Variants in NREP observed in about 807,000 individuals in gnomAD.
NREP encodes the protein neuronal regeneration related protein.
NREP carries 5 observed loss-of-function variants against 8.6 expected under a neutral mutation model. The ratio of observed to expected loss-of-function variants is 0.58; its 90% confidence interval spans 0.30 to 1.22. The LOEUF is 1.22. NREP is among the 50% of genes most tolerant of loss of function. NREP has a pLI of 0.07. For missense variants in NREP, 86 were observed against 82.5 expected (o/e 1.04, Z -0.17); for synonymous variants, 27 against 28.0 (o/e 0.96, Z 0.11).
At chr5:111,938,666 T>A (rs1561357112) in intron 2 of NREP, among the ~76,000 whole-genome samples, 1 of 152,018 alleles carries the variant, frequency 6.6e-6, no homozygotes, top group Non-Finnish European at 1.5e-5. Context: ...GATAATATCA[T>A]TTCCAACCTC....
At chr5:111,738,446 C>G (rs1289732659) in intron 2 of NREP, 4 of 152,140 alleles carry the variant, frequency 2.6e-5, no homozygotes, top group African/African-American at 9.7e-5. Context: ...TTTTCTTTGC[C>G]TCTTCTTCTC....
At chr5:111,932,848 T>C (rs1755579355) in intron 2 of NREP, among the ~76,000 whole-genome samples, 1 of 152,028 alleles carries the variant, frequency 6.6e-6, no homozygotes, top group Non-Finnish European at 1.5e-5. Flanking sequence ...GATTCTATCA[T>C]GTTAAGCCCG....
At chr5:111,825,957 ATTT>A (rs370482212) in intron 2 of NREP, among the ~76,000 whole-genome samples, 5 of 140,296 alleles carry the variant, frequency 3.6e-5, no homozygotes, top group South Asian at 2.3e-4. Context: ...GCTCGTTTGG[ATTT>A]TTTTTTTTTT....
chr5:111,804,949 C>T (rs186515476), intron 2 of NREP, among the ~76,000 whole-genome samples: 2,472 of 152,144 alleles, frequency 0.016, 39 homozygotes, highest in Non-Finnish European at 0.022. Context: ...TGCAGTGAGC[C>T]GAGATGGCGC....
intron 2 of NREP, among the ~76,000 whole-genome samples, chr5:111,872,673 C>A (rs922182209): frequency 6.6e-6 from 1 of 152,074 alleles, no homozygotes; most frequent in African/African-American, 2.4e-5. Flanking sequence ...CCTTAAAGGA[C>A]AAAATACTGA....
At chr5:111,776,395 T>C (rs1048942602) in intron 2 of NREP, among the ~76,000 whole-genome samples, 1 of 152,158 alleles carries the variant, frequency 6.6e-6, no homozygotes, top group Non-Finnish European at 1.5e-5. Context: ...AACATCTATT[T>C]TGGAAAACTG....
At chr5:111,965,030 G>T (rs960997352) in intron 2 of NREP, among the ~76,000 whole-genome samples, 2 of 151,922 alleles carry the variant, frequency 1.3e-5, no homozygotes, top group African/African-American at 4.8e-5. Context: ...AGCGATCCTG[G>T]TAATTTCCAT....
intron 2 of NREP, among the ~76,000 whole-genome samples, chr5:111,957,416 C>T (rs1290429657): frequency 6.6e-6 from 1 of 151,606 alleles, no homozygotes; most frequent in Non-Finnish European, 1.5e-5. Flanking sequence ...TTTTAAAAAC[C>T]ACCCCTCCCC....
chr5:111,961,088 C>G (rs1007800384), intron 2 of NREP, among the ~76,000 whole-genome samples: 4 of 152,166 alleles, frequency 2.6e-5, no homozygotes. Flanking sequence ...TTATCTTAAC[C>G]CTTCCCACTT....
At chr5:111,757,812 T>C (rs1443168841), upstream of NREP, 5 of 971,170 alleles carry the variant, frequency 5.1e-6, no homozygotes, top group Non-Finnish European at 6.1e-6. Flanking sequence ...GCGGTTGCTT[T>C]TCAGACAAAT....
At chr5:111,942,856 A>G (rs1755868565) in intron 2 of NREP, among the ~76,000 whole-genome samples, 1 of 152,068 alleles carries the variant, frequency 6.6e-6, no homozygotes, top group African/African-American at 2.4e-5. Context: ...AGTTACTGGA[A>G]CTGTCCATTT....
At chr5:111,860,268 A>G (rs1315342127) in intron 2 of NREP, among the ~76,000 whole-genome samples, 2 of 152,096 alleles carry the variant, frequency 1.3e-5, no homozygotes, top group African/African-American at 4.8e-5. Context: ...TACACTGAAG[A>G]CCTTAGTGCC....
intron 2 of NREP, among the ~76,000 whole-genome samples, chr5:111,806,440 C>T (rs186186016): frequency 2.0e-5 from 3 of 152,212 alleles, no homozygotes; most frequent in East Asian, 1.9e-4. Flanking sequence ...AATGGATTTA[C>T]GATCGTGTGT....
intron 2 of NREP, among the ~76,000 whole-genome samples, chr5:111,804,497 T>C (rs544556815): frequency 9.8e-5 from 15 of 152,304 alleles, no homozygotes; most frequent in South Asian, 2.1e-4. Flanking sequence ...AATCCAGATG[T>C]GTGTATGTGT....
intron 2 of NREP, among the ~76,000 whole-genome samples, chr5:111,782,229 C>G (rs1387662769): frequency 6.6e-6 from 1 of 152,126 alleles, no homozygotes; most frequent in Non-Finnish European, 1.5e-5. Context: ...CTGGCTAATC[C>G]ACATGTTCCT....
intron 2 of NREP, among the ~76,000 whole-genome samples, chr5:111,873,270 A>G (rs1411528498): frequency 6.6e-6 from 1 of 152,170 alleles, no homozygotes; most frequent in Non-Finnish European, 1.5e-5. Flanking sequence ...GAGAAGAAGA[A>G]CGGTATCAGT....
intron 2 of NREP, among the ~76,000 whole-genome samples, chr5:111,771,426 T>TACGC (rs1464915125): frequency 2.0e-5 from 3 of 147,200 alleles, no homozygotes; most frequent in Non-Finnish European, 4.5e-5. Context: ...CATAGTCTTT[T>TACGC]ACACACACAC....
chr5:111,927,068 C>T (rs1755409373), intron 2 of NREP, among the ~76,000 whole-genome samples: 1 of 152,004 alleles, frequency 6.6e-6, no homozygotes, highest in South Asian at 2.1e-4. Flanking sequence ...CTGGGCCAGG[C>T]CCCTCAGTGA....
At chr5:111,820,180 TCAC>T (rs1752485317) in intron 2 of NREP, among the ~76,000 whole-genome samples, 1 of 151,920 alleles carries the variant, frequency 6.6e-6, no homozygotes, top group South Asian at 2.1e-4. Flanking sequence ...AACAGCAAAA[TCAC>T]CAACAAACAG....
Sources: allele counts gnomAD v4.1 joint callset (sites outside exome capture counted in the v4.1 genomes callset), GRCh38; gene constraint gnomAD v4.1.1; transcripts MANE v1.5; gene names NCBI Gene and HGNC (gene_info 2026-07-23, HGNC 2026-07-21).